Variants in SLC35F4 observed in about 807,000 individuals in gnomAD.
SLC35F4 encodes the protein solute carrier family 35 member F4, also known as chromosome 14 open reading frame 36.
A neutral mutation model predicts 44.2 loss-of-function variants in SLC35F4; 24 were observed. The ratio of observed to expected loss-of-function variants is 0.54; its 90% CI spans 0.39 to 0.76. The LOEUF is 0.76. Among genes scored for constraint, SLC35F4 ranks in the 30% least tolerant of loss-of-function variants. The probability of loss-of-function intolerance (pLI) is 0.00; values close to 1 mark genes in which losing one functional copy is unlikely to be tolerated. For synonymous variants in SLC35F4, 238 were observed against 223.6 expected, an observed-to-expected ratio of 1.06 and a Z score of -0.57; for missense variants, 562 against 586.1, an observed-to-expected ratio of 0.96 and a Z score of 0.42.
At chr14:57,806,704 T>G (rs1470979639) in intron 1 of SLC35F4, among the ~76,000 whole-genome samples, 1 of 152,226 alleles carries the variant, frequency 6.6e-6, no homozygotes, top group Non-Finnish European at 1.5e-5. Flanking sequence ...GATTTATGAA[T>G]GTTTCTTGGA....
chr14:57,879,276 A>C (rs888057174), intron 1 of SLC35F4, among the ~76,000 whole-genome samples: 3 of 152,074 alleles, frequency 2.0e-5, no homozygotes, highest in African/African-American at 7.2e-5. Context: ...GTCAGAAAAC[A>C]TAGGTTCTAT....
chr14:57,949,922 T>C (rs1293452656), intron 1 of SLC35F4, among the ~76,000 whole-genome samples: 2 of 152,206 alleles, frequency 1.3e-5, no homozygotes, highest in Non-Finnish European at 2.9e-5. Flanking sequence ...TTTTCCTTTA[T>C]AGGTTGTCTG....
At chr14:57,684,623 G>A (rs1240513394) in intron 1 of SLC35F4, among the ~76,000 whole-genome samples, 2 of 152,220 alleles carry the variant, frequency 1.3e-5, no homozygotes, top group South Asian at 2.1e-4. Context: ...GCAGCCAGGA[G>A]GTTGGGGAGC....
chr14:57,981,901 A>C (rs924714462), intron 1 of SLC35F4: 1 of 152,250 alleles, frequency 6.6e-6, no homozygotes, highest in East Asian at 1.9e-4. Flanking sequence ...ACAAAATTAT[A>C]GTATTACTTA....
At chr14:57,763,505 C>G (rs1271039726) in intron 1 of SLC35F4, among the ~76,000 whole-genome samples, 1 of 152,130 alleles carries the variant, frequency 6.6e-6, no homozygotes, top group African/African-American at 2.4e-5. Flanking sequence ...TTACAAGTTA[C>G]TCAATCTTTC....
chr14:57,650,419 C>T (rs936747330), intron 1 of SLC35F4, among the ~76,000 whole-genome samples: 1 of 152,122 alleles, frequency 6.6e-6, no homozygotes, highest in South Asian at 2.1e-4. Context: ...ACCATCCAAC[C>T]AGTTAGTATT....
intron 1 of SLC35F4, among the ~76,000 whole-genome samples, chr14:57,746,535 G>GGTATAAATA: frequency 6.6e-6 from 1 of 152,052 alleles, no homozygotes; most frequent in Admixed American, 6.6e-5. Flanking sequence ...TTTATACATT[G>GGTATAAATA]CTGTATTCAA....
At chr14:57,819,180 T>C (rs1056518083) in intron 1 of SLC35F4, among the ~76,000 whole-genome samples, 1 of 152,128 alleles carries the variant, frequency 6.6e-6, no homozygotes, top group Non-Finnish European at 1.5e-5. Flanking sequence ...ATTGACCAAG[T>C]TGTGAAATAC....
intron 1 of SLC35F4, among the ~76,000 whole-genome samples, chr14:57,913,521 T>C (rs888288643): frequency 1.7e-4 from 26 of 152,168 alleles, no homozygotes; most frequent in Non-Finnish European, 7.4e-5. Context: ...AATAACACTA[T>C]ACTACTTTAC....
intron 1 of SLC35F4, among the ~76,000 whole-genome samples, chr14:57,637,427 A>T (rs1375232567): frequency 6.6e-6 from 1 of 152,152 alleles, no homozygotes; most frequent in African/African-American, 2.4e-5. Context: ...TTCTGGAGGA[A>T]GCTGTTGCCA....
intron 1 of SLC35F4, among the ~76,000 whole-genome samples, chr14:57,920,346 A>C (rs1889417996): frequency 6.6e-6 from 1 of 152,160 alleles, no homozygotes; most frequent in Admixed American, 6.5e-5. Flanking sequence ...AAGTCAACGC[A>C]GGAGGATCAC....
intron 1 of SLC35F4, among the ~76,000 whole-genome samples, chr14:57,660,096 A>G (rs73303894): frequency 0.026 from 3,945 of 152,316 alleles, 158 homozygotes; most frequent in African/African-American, 0.089. Context: ...TTTGACTTGC[A>G]TATCTATTTG....
intron 1 of SLC35F4, among the ~76,000 whole-genome samples, chr14:57,595,013 TA>T (rs2070410279): frequency 1.3e-5 from 2 of 152,210 alleles, no homozygotes; most frequent in African/African-American, 4.8e-5. Flanking sequence ...ATTAAGAGAT[TA>T]ACACTGGTAC....
At chr14:57,633,987 G>C (rs917243160) in intron 1 of SLC35F4, among the ~76,000 whole-genome samples, 1 of 152,078 alleles carries the variant, frequency 6.6e-6, no homozygotes, top group Admixed American at 6.6e-5. Flanking sequence ...AAAAGGGGAT[G>C]TAGGAGAGTT....
At chr14:57,672,765 G>T (rs2074559420) in intron 1 of SLC35F4, among the ~76,000 whole-genome samples, 1 of 125,514 alleles carries the variant, frequency 8.0e-6, no homozygotes, top group Non-Finnish European at 1.6e-5. Context: ...GAAAGACCTA[G>T]AAGGTAAATT....
At chr14:57,607,232 G>A (rs2071213930) in intron 1 of SLC35F4, among the ~76,000 whole-genome samples, 1 of 152,108 alleles carries the variant, frequency 6.6e-6, no homozygotes, top group Non-Finnish European at 1.5e-5. Context: ...TTGTTCATTA[G>A]CAGAAAGAAA....
chr14:57,903,319 C>T (rs1332345385), intron 1 of SLC35F4, among the ~76,000 whole-genome samples: 1 of 152,146 alleles, frequency 6.6e-6, no homozygotes, highest in Non-Finnish European at 1.5e-5. Flanking sequence ...TTCTGGCTAT[C>T]AGAATTCTTG....
intron 1 of SLC35F4, among the ~76,000 whole-genome samples, chr14:57,746,130 T>C (rs2062472162): frequency 6.6e-6 from 1 of 152,042 alleles, no homozygotes; most frequent in South Asian, 2.1e-4. Context: ...ATATATCTAA[T>C]GTAAATGATG....
intron 1 of SLC35F4, among the ~76,000 whole-genome samples, chr14:57,705,927 A>G (rs2075663160): frequency 6.6e-6 from 1 of 152,208 alleles, no homozygotes; most frequent in Admixed American, 6.5e-5. Context: ...CACTTCAAAC[A>G]GAAAGAACAA....
Sources: allele counts gnomAD v4.1 joint callset (sites outside exome capture counted in the v4.1 genomes callset), GRCh38; gene constraint gnomAD v4.1.1; transcripts MANE v1.5; gene names NCBI Gene and HGNC (gene_info 2026-07-23, HGNC 2026-07-21).